PCBP3: variants seen among roughly 807,000 people sequenced by gnomAD.
The protein encoded by PCBP3 is poly(rC)-binding protein 3.
In PCBP3, 25 loss-of-function variants were observed where a neutral mutation model predicts 52.7. That is an observed-to-expected ratio of 0.47 (90% CI 0.35 to 0.66). The LOEUF (loss-of-function observed/expected upper bound fraction) is 0.66, where lower values mean the gene tolerates loss of function less well. PCBP3 is among the 30% of genes least tolerant of loss of function. PCBP3 has a pLI of 0.01. For missense variants in PCBP3, 391 were observed against 490.3 expected (o/e 0.80, Z 1.91); for synonymous variants, 162 against 183.0 (o/e 0.89, Z 0.93).
At chr21:45,785,538 C>G (rs1316095172) in intron 4 of PCBP3, among the ~76,000 whole-genome samples, 2 of 150,402 alleles carry the variant, frequency 1.3e-5, no homozygotes, top group South Asian at 4.2e-4. Context: ...CCCGGCCAGC[C>G]GCCCCATCCG....
chr21:45,784,508 C>T (rs977543700), intron 4 of PCBP3, among the ~76,000 whole-genome samples: 3 of 152,076 alleles, frequency 2.0e-5, no homozygotes, highest in South Asian at 4.2e-4. Context: ...CCTCTGATGC[C>T]GAGCCGAAGC....
intron 16 of PCBP3, among the ~76,000 whole-genome samples, chr21:45,939,290 TG>T (rs1318587957): frequency 6.6e-6 from 1 of 152,228 alleles, no homozygotes; most frequent in East Asian, 1.9e-4. Context: ...GAGATGCCAT[TG>T]GCTCCTGTGC....
intron 13 of PCBP3, among the ~76,000 whole-genome samples, chr21:45,920,095 C>A (rs1183869014): frequency 6.6e-6 from 1 of 152,108 alleles, no homozygotes; most frequent in East Asian, 1.9e-4. Context: ...AAAGGAAAGG[C>A]AGTGTGCGGT....
chr21:45,775,481 G>C (rs2090185841), intron 4 of PCBP3, among the ~76,000 whole-genome samples: 1 of 152,064 alleles, frequency 6.6e-6, no homozygotes, highest in Non-Finnish European at 1.5e-5. Flanking sequence ...GCAGTGGCAT[G>C]ATCACAGCTC....
intron 4 of PCBP3, among the ~76,000 whole-genome samples, chr21:45,826,552 G>A (rs1209993812): frequency 6.6e-6 from 1 of 152,166 alleles, no homozygotes; most frequent in Admixed American, 6.5e-5. Flanking sequence ...TGGAGTCAGG[G>A]TGCCTTCCCT....
At chr21:45,924,983 C>A (rs1431845136) in intron 13 of PCBP3, among the ~76,000 whole-genome samples, 2 of 82,604 alleles carry the variant, frequency 2.4e-5, no homozygotes, top group Non-Finnish European at 4.9e-5. Context: ...TGGGTAGAAA[C>A]AGCACACGTA....
intron 4 of PCBP3, among the ~76,000 whole-genome samples, chr21:45,794,170 C>T (rs2091791720): frequency 2.0e-5 from 3 of 151,860 alleles, no homozygotes; most frequent in African/African-American, 4.8e-5. Flanking sequence ...TACTCACGCC[C>T]GTAGTATAGA....
intron 3 of PCBP3, among the ~76,000 whole-genome samples, chr21:45,744,808 T>C (rs901285180): frequency 6.6e-6 from 1 of 152,268 alleles, no homozygotes; most frequent in Non-Finnish European, 1.5e-5. Flanking sequence ...TTATATGTAC[T>C]GACCTGTTGT....
chr21:45,785,074 C>T (rs1211782100), intron 4 of PCBP3, among the ~76,000 whole-genome samples: 1 of 151,852 alleles, frequency 6.6e-6, no homozygotes, highest in Non-Finnish European at 1.5e-5. Context: ...TGCCCTGTCG[C>T]CCCGTCCGGG....
chr21:45,885,601 G>A (rs1048899554), intron 5 of PCBP3, among the ~76,000 whole-genome samples: 7 of 151,972 alleles, frequency 4.6e-5, no homozygotes, highest in Admixed American at 4.6e-4. Flanking sequence ...CCTCTTGTTG[G>A]GACGGGGTAC....
chr21:45,828,491 G>A (rs949440017), intron 4 of PCBP3: 1 of 152,208 alleles, frequency 6.6e-6, no homozygotes, highest in Non-Finnish European at 1.5e-5. Context: ...GCACTTTCCA[G>A]TGGAGCTGAA....
intron 2 of PCBP3, among the ~76,000 whole-genome samples, chr21:45,679,781 C>T (rs1026393187): frequency 6.6e-6 from 1 of 152,076 alleles, no homozygotes; most frequent in Non-Finnish European, 1.5e-5. Context: ...TAAGTTTAGC[C>T]GTAGATCACA....
At chr21:45,903,422 G>A (rs761413119) in intron 9 of PCBP3, among the ~76,000 whole-genome samples, 21 of 152,178 alleles carry the variant, frequency 1.4e-4, no homozygotes, top group South Asian at 6.2e-4. Flanking sequence ...AGTTGTCCAC[G>A]TAGATGCAAG....
In PCBP3 at chr21:45,795,608, A is replaced by G. The variant is rs150049431; in HGVS notation, c.-126+40156A>G. Among the ~76,000 whole-genome samples the G allele has an allele frequency of 1.6e-3, 243 of 152,352 alleles. 4 individuals carry two copies. Among genetic ancestry groups the G allele is most frequent in the Non-Finnish European group, 3.4e-4 (23 of 68,034 alleles). On this transcript the variant is annotated intron_variant, in intron 4 of 17. Transcript: ENST00000681687. ...AAACATGAGGGATGCCACAAAAGCA[A>G]TTCTCAGAAGAAAATGTCAGAAAAC...
chr21:45,865,969 G>A (rs114072514), intron 5 of PCBP3, among the ~76,000 whole-genome samples: 2,918 of 152,346 alleles, frequency 0.019, 103 homozygotes, highest in African/African-American at 0.067. Context: ...CAGGACCCCC[G>A]CATGGACTGG....
At chr21:45,906,447 G>A (rs927595432) in intron 9 of PCBP3, among the ~76,000 whole-genome samples, 5 of 152,062 alleles carry the variant, frequency 3.3e-5, no homozygotes, top group Non-Finnish European at 5.9e-5. Flanking sequence ...GGCTAGGGTC[G>A]GGTCGGGAAG....
At chr21:45,890,368 C>T (rs113953137) in intron 5 of PCBP3, among the ~76,000 whole-genome samples, 1 of 151,972 alleles carries the variant, frequency 6.6e-6, no homozygotes, top group African/African-American at 2.4e-5. Flanking sequence ...GTGGATAATA[C>T]AACCTGAAAC....
intron 4 of PCBP3, among the ~76,000 whole-genome samples, chr21:45,818,587 C>A (rs1249407302): frequency 6.6e-6 from 1 of 152,230 alleles, no homozygotes; most frequent in Non-Finnish European, 1.5e-5. Context: ...TGCCAAACTA[C>A]CTTCCCAAGT....
At chr21:45,909,938 A>AACCCACTTCCCAGATACGGACCCCCCCAC (rs2096319553) in intron 10 of PCBP3, among the ~76,000 whole-genome samples, 1 of 8,598 alleles carries the variant, frequency 1.2e-4, no homozygotes, top group Non-Finnish European at 2.1e-4. Flanking sequence ...GGACCCCCCC[A>AACCCACTTCCCAGATACGGACCCCCCCAC]ACCCACTTCC....
Sources: allele counts gnomAD v4.1 joint callset (sites outside exome capture counted in the v4.1 genomes callset), GRCh38; gene constraint gnomAD v4.1.1; transcripts MANE v1.5; gene names NCBI Gene and HGNC (gene_info 2026-07-23, HGNC 2026-07-21).